C19orf38: variants seen among roughly 807,000 people sequenced by gnomAD.
C19orf38 encodes the protein chromosome 19 open reading frame 38, also known as protein HIDE1.
C19orf38 carries 14 observed loss-of-function variants against 26.6 expected under a neutral mutation model. The ratio of observed to expected loss-of-function variants is 0.53; its 90% CI spans 0.35 to 0.82. The LOEUF (loss-of-function observed/expected upper bound fraction) is 0.82. Ranked by LOEUF, C19orf38 falls within the 40% of genes least tolerant of loss-of-function variation. The pLI is 0.01. For synonymous variants in C19orf38, 132 were observed against 128.5 expected (o/e 1.03, Z -0.18); for missense variants, 261 against 299.5 (o/e 0.87, Z 0.95).
chr19:10,843,257 T>C (rs887339504), intron 1 of C19orf38, among the ~76,000 whole-genome samples: 1 of 152,212 alleles, frequency 6.6e-6, no homozygotes, highest in Admixed American at 6.5e-5. Flanking sequence ...GCACGCCAAA[T>C]AGAAGACAGA....
chr19:10,857,114 T>G (rs1467437906), intron 3 of C19orf38, among the ~76,000 whole-genome samples: 1 of 151,034 alleles, frequency 6.6e-6, no homozygotes, highest in Non-Finnish European at 1.5e-5. Flanking sequence ...AAAAAATATT[T>G]TTTGTTGAGA....
chr19:10,849,848 C>T (rs1040002040), intron 1 of C19orf38, among the ~76,000 whole-genome samples: 8 of 151,628 alleles, frequency 5.3e-5, no homozygotes, highest in Non-Finnish European at 7.4e-5. Flanking sequence ...GGGAGTCACA[C>T]GAGGCCAGGA....
chr19:10,868,253 G>A (rs756161705), intron 6 of C19orf38, among the ~76,000 whole-genome samples: 2 of 152,200 alleles, frequency 1.3e-5, no homozygotes, highest in South Asian at 2.1e-4. Context: ...ACCCTTTCAG[G>A]TGGGATCGAT....
rs149411950 is a variant in C19orf38 at position 10,867,998 on chromosome 19, A to C, written c.544-1220A>C. Among the ~76,000 whole-genome samples, 1,224 of 152,160 alleles carry C rather than the reference A, an allele frequency of 8.0e-3. 12 individuals are homozygous for C. Among genetic ancestry groups the C allele is most frequent in the Non-Finnish European group, 0.014 (948 of 68,008 alleles). On this transcript the variant is annotated intron_variant, in intron 6 of 6. Transcript: ENST00000397820. ...GAATCATATTGTGTTGTATGGATAC[A>C]CCAAGTTTTGTTGATCCATTCAATT...
chr19:10,848,270 C>T, upstream of C19orf38: 2 of 524,008 alleles, frequency 3.8e-6, no homozygotes, highest in Admixed American at 6.0e-5. Context: ...CTCTAATCTG[C>T]AGAACCGCAA....
intron 1 of C19orf38, among the ~76,000 whole-genome samples, chr19:10,849,078 T>C (rs1453940834): frequency 6.6e-6 from 1 of 152,016 alleles, no homozygotes; most frequent in African/African-American, 2.4e-5. Flanking sequence ...CCTCTGCCCT[T>C]CCTTCTCCTG....
intron 1 of C19orf38, among the ~76,000 whole-genome samples, chr19:10,842,485 C>T (rs926806227): frequency 6.6e-6 from 1 of 152,076 alleles, no homozygotes; most frequent in Admixed American, 6.6e-5. Flanking sequence ...TGGTCTTGTT[C>T]TCCTGACCTC....
Position 10,857,366 on chromosome 19 carries a change from A to ATTTTT in C19orf38, c.434-935_434-931dup, listed in dbSNP as rs773726753. ...TATATATATATATATATATATATATATTTTTTTTTTTTTTTTTTTAAGATG... is the reference window on the plus strand; with the variant it reads ...TATATATATATATATATATATATATATTTTTTTTTTTTTTTTTTTTTTTTAAGATG... On this transcript the variant is annotated intron_variant, in intron 3 of 6. Coordinates refer to ENST00000397820, the MANE Select transcript of C19orf38 (RefSeq NM_001136482.3). 5.7e-3 allele frequency among the ~76,000 whole-genome samples: 320 copies of ATTTTT among 56,072 alleles called. 9 individuals are homozygous for ATTTTT. The highest frequency in any genetic ancestry group is 0.018 in the South Asian group (27 of 1,510). The allele number at this position is 56,072 out of a possible 152,430, so 36.8% of individuals were successfully genotyped here.
rs554661927 is a variant in C19orf38, at chr19:10,848,638, T to A, written c.31+99T>A. 15 of 1,133,308 alleles carry A rather than the reference T, an allele frequency of 1.3e-5. No homozygotes were observed. The African/African-American group carries it at 2.0e-4, about 15-fold the overall frequency. 70.2% of individuals were successfully genotyped at this position (1,133,308 alleles called of 1,614,324 possible). A position where few individuals can be genotyped will look rare whatever the true frequency, so the allele number is the denominator to read the frequency against. On this transcript the variant is annotated intron_variant, in intron 1 of 6. Transcript: ENST00000397820. ...GCAGAAACCAGTGCAGGGGCTGCCGTTCTCAGGGCATCGAGGAGGCTGAGC... is the reference window on the plus strand; with the variant it reads ...GCAGAAACCAGTGCAGGGGCTGCCGATCTCAGGGCATCGAGGAGGCTGAGC...
rs374491710 is a variant in C19orf38, at chr19:10,859,857, C to G, written c.462-58C>G. 86 of 1,491,306 alleles carry G rather than the reference C, an allele frequency of 5.8e-5. 3 individuals carry two copies. Among genetic ancestry groups the G allele is most frequent in the East Asian group, 3.0e-4 (12 of 40,568 alleles). The allele number at this position is 1,491,306 out of a possible 1,614,324, so 92.4% of individuals were successfully genotyped here. A position where few individuals can be genotyped will look rare whatever the true frequency, so the allele number is the denominator to read the frequency against. ...TGGGGCCAGGGCTTTCCCGATCAAG[C>G]CTCCTGACTCAAGGGGCAACCCTGA... On this transcript the variant is annotated intron_variant, in intron 4 of 6. Transcript: ENST00000397820.
intron 6 of C19orf38, 68 bp from the exon 7 acceptor site, chr19:10,869,150 C>G: frequency 1.3e-6 from 2 of 1,534,494 alleles, no homozygotes; most frequent in Non-Finnish European, 1.8e-6. Flanking sequence ...AGGCTCAGAA[C>G]ATGGAGAAAC....
At chr19:10,857,366 A>ATATATATTTTTTT (rs1433358051) in intron 3 of C19orf38, among the ~76,000 whole-genome samples, 9 of 56,082 alleles carry the variant, frequency 1.6e-4, no homozygotes, top group African/African-American at 1.0e-3. Flanking sequence ...ATATATATAT[A>ATATATATTTTTTT]TTTTTTTTTT....
intron 4 of C19orf38, 63 bp downstream of exon 4, chr19:10,858,406 G>C: frequency 5.5e-6 from 8 of 1,447,638 alleles, no homozygotes; most frequent in Non-Finnish European, 7.5e-6. Flanking sequence ...TTCCCTGGCA[G>C]GGTGGGCACT....
intron 1 of C19orf38, among the ~76,000 whole-genome samples, chr19:10,839,731 C>CTTT (rs1235370560): frequency 3.0e-5 from 4 of 132,422 alleles, no homozygotes; most frequent in Non-Finnish European, 4.9e-5. Context: ...TTCTTTTGTT[C>CTTT]TTTTTTTTTT....
At chr19:10,844,804 C>T (rs1303515921), upstream of C19orf38, among the ~76,000 whole-genome samples, 13 of 146,516 alleles carry the variant, frequency 8.9e-5, no homozygotes, top group Non-Finnish European at 1.3e-4. Flanking sequence ...GCCGAGATTG[C>T]GCCACTGCAC....
chr19:10,841,125 T>C (rs1277309971), intron 1 of C19orf38, among the ~76,000 whole-genome samples: 2 of 152,148 alleles, frequency 1.3e-5, no homozygotes, highest in African/African-American at 4.8e-5. Context: ...CTTTTTGTTG[T>C]AGGAGGTTTT....
intron 1 of C19orf38, 137 bp downstream of exon 1, chr19:10,848,676 G>T (rs544002779): frequency 2.7e-6 from 2 of 745,834 alleles, no homozygotes; most frequent in African/African-American, 1.7e-5. Flanking sequence ...TTGGCAGATG[G>T]GTTTTCCCCC....
At chr19:10,856,421 G>T in intron 3 of C19orf38, 64 bp downstream of exon 3, 1 of 1,316,916 alleles carries the variant, frequency 7.6e-7, no homozygotes, top group Admixed American at 2.0e-5. Flanking sequence ...GTGAAGATGT[G>T]CTTACACTCA....
intron 2 of C19orf38, among the ~76,000 whole-genome samples, chr19:10,853,917 T>A (rs2073598943): frequency 6.6e-6 from 1 of 150,476 alleles, no homozygotes; most frequent in African/African-American, 2.4e-5. Flanking sequence ...TTTTTTTTTT[T>A]TAATTAGGAG....
Sources: gnomAD v4.1 joint callset for allele counts (sites outside exome capture counted in the v4.1 genomes callset) on GRCh38, gnomAD v4.1.1 for gene constraint, MANE v1.5 for transcripts, NCBI Gene and HGNC (gene_info 2026-07-23, HGNC 2026-07-21) for gene names.